Variants in TAS2R1 observed in about 807,000 individuals in gnomAD.
TAS2R1 encodes taste 2 receptor member 1, also known as taste receptor type 2 member 1.
For synonymous variants in TAS2R1, 141 were observed against 134.2 expected (o/e 1.05, Z -0.35); for missense variants, 370 against 353.4 (o/e 1.05, Z -0.38).
chr5:9,823,192 C>T, the TAS2R1 span, among the ~76,000 whole-genome samples: 1 of 152,058 alleles, frequency 6.6e-6, no homozygotes, highest in Non-Finnish European at 1.5e-5. Context: ...CAGTCTTCCC[C>T]TTTTGATAAG....
the TAS2R1 span, among the ~76,000 whole-genome samples, chr5:9,770,506 G>A: frequency 3.9e-5 from 6 of 152,114 alleles, no homozygotes; most frequent in Non-Finnish European, 7.4e-5. Flanking sequence ...ACTTTGGTTA[G>A]TATGGACATT....
the TAS2R1 span, among the ~76,000 whole-genome samples, chr5:9,745,374 T>C: frequency 2.0e-5 from 3 of 152,062 alleles, no homozygotes; most frequent in Non-Finnish European, 4.4e-5. Context: ...AGAGATTTTT[T>C]TAAGAAACAT....
the TAS2R1 span, among the ~76,000 whole-genome samples, chr5:9,863,299 G>A: frequency 2.2e-5 from 3 of 135,532 alleles, no homozygotes; most frequent in African/African-American, 5.8e-5. Context: ...ATGGAGTCTC[G>A]CTCTATCGCC....
the TAS2R1 span, among the ~76,000 whole-genome samples, chr5:9,900,495 A>G: frequency 6.6e-6 from 1 of 152,246 alleles, no homozygotes; most frequent in African/African-American, 2.4e-5. Flanking sequence ...GCATTCAAGA[A>G]AGCTTAAACA....
At chr5:9,659,125 C>A (rs1561371491) in intron 2 of TAS2R1, among the ~76,000 whole-genome samples, 1 of 152,094 alleles carries the variant, frequency 6.6e-6, no homozygotes, top group Admixed American at 6.5e-5. Context: ...AGACTCATAC[C>A]CACAATGCTT....
the TAS2R1 span, among the ~76,000 whole-genome samples, chr5:9,805,174 A>C: frequency 2.0e-5 from 3 of 152,044 alleles, no homozygotes; most frequent in Non-Finnish European, 4.4e-5. Context: ...GAAATATACA[A>C]TCCTCCTAAA....
chr5:9,746,552 G>A, the TAS2R1 span, among the ~76,000 whole-genome samples: 1 of 152,162 alleles, frequency 6.6e-6, no homozygotes, highest in Admixed American at 6.5e-5. Flanking sequence ...TAAAGAAAAT[G>A]TGGCACATAT....
At chr5:9,870,111 C>A in the TAS2R1 span, 4 of 152,252 alleles carry the variant, frequency 2.6e-5, no homozygotes, top group African/African-American at 9.6e-5. Flanking sequence ...TCTTACCTCT[C>A]TTCCTCTGAC....
chr5:9,832,082 C>T, the TAS2R1 span, among the ~76,000 whole-genome samples: 23,224 of 152,198 alleles, frequency 0.15, 2,229 homozygotes, highest in South Asian at 0.21. Context: ...TCAAGTCCAG[C>T]TCATCTCCGG....
At chr5:9,645,108 A>G (rs1740161057) in intron 2 of TAS2R1, among the ~76,000 whole-genome samples, 1 of 152,200 alleles carries the variant, frequency 6.6e-6, no homozygotes, top group Non-Finnish European at 1.5e-5. Flanking sequence ...GTTGGATGGA[A>G]AGAATTCACA....
chr5:9,634,430 T>C (rs1423291476), upstream of TAS2R1, among the ~76,000 whole-genome samples: 1 of 152,098 alleles, frequency 6.6e-6, no homozygotes, highest in Non-Finnish European at 1.5e-5. Flanking sequence ...TTTGGCTATG[T>C]GGTCTCTTTT....
At chr5:9,669,851 C>T (rs1740714180) in intron 1 of TAS2R1, among the ~76,000 whole-genome samples, 1 of 151,762 alleles carries the variant, frequency 6.6e-6, no homozygotes, top group Non-Finnish European at 1.5e-5. Context: ...GCTAGAGGGA[C>T]CAGAGAAACA....
the TAS2R1 span, among the ~76,000 whole-genome samples, chr5:9,803,764 C>T: frequency 1.3e-5 from 2 of 152,106 alleles, no homozygotes; most frequent in African/African-American, 4.8e-5. Flanking sequence ...GAAACAAATC[C>T]TTGAAACACA....
intron 1 of TAS2R1, among the ~76,000 whole-genome samples, chr5:9,693,903 T>C (rs368623856): frequency 9.6e-4 from 146 of 152,360 alleles, no homozygotes; most frequent in African/African-American, 2.7e-3. Flanking sequence ...AACAACAATT[T>C]AGAATGCAAT....
At chr5:9,788,124 T>G in the TAS2R1 span, among the ~76,000 whole-genome samples, 2 of 152,154 alleles carry the variant, frequency 1.3e-5, no homozygotes, top group African/African-American at 4.8e-5. Context: ...CCCTTCACAG[T>G]ACAGATAAAT....
At chr5:9,792,181 C>T in the TAS2R1 span, among the ~76,000 whole-genome samples, 2 of 152,146 alleles carry the variant, frequency 1.3e-5, no homozygotes, top group Non-Finnish European at 2.9e-5. Flanking sequence ...CCTTGAATAA[C>T]CCACCTATGC....
At chr5:9,713,175 A>G (rs970360083), upstream of TAS2R1, 1 of 152,108 alleles carries the variant, frequency 6.6e-6, no homozygotes, top group Non-Finnish European at 1.5e-5. Flanking sequence ...GGAACATGAC[A>G]ACTTCCTTTA....
rs1227855795 is a variant in TAS2R1, at chr5:9,702,409, C to T, written c.-242+9763G>A. Among the ~76,000 whole-genome samples, 3 of 152,092 alleles carry T rather than the reference C, an allele frequency of 2.0e-5. No homozygotes were observed. In the East Asian group the frequency reaches 5.8e-4, roughly 29 times the overall value. The stretch of plus-strand genomic sequence containing the variant: ...GGCATCTAGGTAAAGACCAGAGATG[C>T]TGCTAAACATCCTAAAATGCACAGG... On this transcript the variant is annotated intron_variant, in intron 1 of 2. Transcript: ENST00000506620.
intron 1 of TAS2R1, among the ~76,000 whole-genome samples, chr5:9,674,011 C>G (rs17332331): frequency 6.6e-6 from 1 of 152,038 alleles, no homozygotes; most frequent in Non-Finnish European, 1.5e-5. Context: ...TTTTTTCATG[C>G]GCTTCTGAGA....
Sources: allele counts gnomAD v4.1 joint callset (sites outside exome capture counted in the v4.1 genomes callset), GRCh38; gene constraint gnomAD v4.1.1; transcripts MANE v1.5; gene names NCBI Gene and HGNC (gene_info 2026-07-23, HGNC 2026-07-21).